Variants in DKK2 observed in about 807,000 individuals in gnomAD.
DKK2 encodes the protein dickkopf Wnt signaling pathway inhibitor 2, also known as dickkopf-related protein 2.
DKK2 carries 11 observed loss-of-function variants against 28.1 expected under a neutral mutation model. That is an observed-to-expected ratio of 0.39 (90% CI 0.25 to 0.65). The LOEUF is 0.65. DKK2 is among the 30% of genes least tolerant of loss of function. The probability of loss-of-function intolerance (pLI) is 0.47; values close to 1 mark genes in which losing one functional copy is unlikely to be tolerated. For synonymous variants in DKK2, 135 were observed against 126.5 expected, an observed-to-expected ratio of 1.07 and a Z score of -0.45; for missense variants, 326 against 335.5, an observed-to-expected ratio of 0.97 and a Z score of 0.22.
rs57031993 is a variant in DKK2 at position 106,960,586 on chromosome 4, C to T, written c.223-34637G>A. ...AAGCTATTGAAATTAAAAGTTAAAA[C>T]AAAAAAAGATATCCATTTTGTCAAC... On this transcript the variant is annotated intron_variant, in intron 1 of 3. Transcript: ENST00000285311. Among the ~76,000 whole-genome samples, 948 of 151,824 alleles carry T rather than the reference C, an allele frequency of 6.2e-3. 9 individuals carry two copies. Among genetic ancestry groups the T allele is most frequent in the African/African-American group, 0.021 (878 of 41,458 alleles).
chr4:106,929,469 C>T (rs1439110422), intron 1 of DKK2, among the ~76,000 whole-genome samples: 2 of 152,140 alleles, frequency 1.3e-5, no homozygotes, highest in Non-Finnish European at 2.9e-5. Flanking sequence ...CAGAATCATT[C>T]ATTATTGCAT....
Position 106,958,089 on chromosome 4 carries a change from T to C in DKK2, c.223-32140A>G, listed in dbSNP as rs951709804. On this transcript the variant is annotated intron_variant, in intron 1 of 3. Transcript: ENST00000285311. Reference sequence around the variant, plus strand: ...AACTTTTTTTGCAGTTTCTATGACCTACAAAAGAAATGATTGATGGAATGA... The same window carrying C: ...AACTTTTTTTGCAGTTTCTATGACCCACAAAAGAAATGATTGATGGAATGA... Among the ~76,000 whole-genome samples, 13 of 150,682 alleles carry C rather than the reference T, an allele frequency of 8.6e-5. No homozygotes were observed. In the East Asian group the frequency reaches 1.9e-3, roughly 23 times the overall value.
chr4:107,021,532 T>C (rs751970385), intron 1 of DKK2, among the ~76,000 whole-genome samples: 1 of 152,114 alleles, frequency 6.6e-6, no homozygotes, highest in Non-Finnish European at 1.5e-5. Context: ...ACATTTTCTG[T>C]TGCTCTGCCC....
chr4:106,924,805 G>A (rs954468841), intron 2 of DKK2, 105 bp from the exon 3 acceptor site: 31 of 1,115,374 alleles, frequency 2.8e-5, no homozygotes, highest in Non-Finnish European at 3.6e-5. Context: ...ATCTATCTGT[G>A]TATCTATCTA....
At chr4:106,980,980 C>T (rs1327346285) in intron 1 of DKK2, among the ~76,000 whole-genome samples, 1 of 152,144 alleles carries the variant, frequency 6.6e-6, no homozygotes, top group Non-Finnish European at 1.5e-5. Context: ...ATTATCCCTC[C>T]ACCCGAAGAA....
chr4:106,973,655 T>C (rs2110355183), intron 1 of DKK2, among the ~76,000 whole-genome samples: 1 of 152,340 alleles, frequency 6.6e-6, no homozygotes, highest in South Asian at 2.1e-4. Flanking sequence ...GACAGAGAGA[T>C]TGCAAAAATT....
chr4:106,929,584 CAA>C (rs1177299595), intron 1 of DKK2, among the ~76,000 whole-genome samples: 2 of 152,080 alleles, frequency 1.3e-5, no homozygotes, highest in African/African-American at 4.8e-5. Context: ...GCCAAAAAAA[CAA>C]AGACATTTTC....
At chr4:106,958,334 T>A (rs1272530367) in intron 1 of DKK2, among the ~76,000 whole-genome samples, 2 of 152,034 alleles carry the variant, frequency 1.3e-5, no homozygotes, top group African/African-American at 4.8e-5. Context: ...ACATTACCCA[T>A]AATTTACAAG....
intron 1 of DKK2, among the ~76,000 whole-genome samples, chr4:106,971,994 A>G (rs1722874063): frequency 2.0e-5 from 3 of 152,210 alleles, no homozygotes; most frequent in Admixed American, 2.0e-4. Flanking sequence ...CTCCAAATCC[A>G]TTGTTATGAA....
chr4:106,997,825 A>G (rs1488066747), intron 1 of DKK2, among the ~76,000 whole-genome samples: 1 of 152,188 alleles, frequency 6.6e-6, no homozygotes, highest in Non-Finnish European at 1.5e-5. Flanking sequence ...TGACCTTCTC[A>G]TTTTAAATAG....
chr4:107,009,773 T>G (rs1289265173), intron 1 of DKK2, among the ~76,000 whole-genome samples: 3 of 151,784 alleles, frequency 2.0e-5, no homozygotes, highest in Non-Finnish European at 1.5e-5. Flanking sequence ...GAAGGGACAT[T>G]CTTGAACAAG....
chr4:106,961,565 G>GCACACACA (rs34597899), intron 1 of DKK2, among the ~76,000 whole-genome samples: 81 of 136,298 alleles, frequency 5.9e-4, no homozygotes, highest in Middle Eastern at 3.9e-3. Flanking sequence ...CCAACAGCCT[G>GCACACACA]CACACACACA....
intron 1 of DKK2, among the ~76,000 whole-genome samples, chr4:106,980,237 G>T (rs934799736): frequency 5.9e-5 from 9 of 151,434 alleles, no homozygotes; most frequent in African/African-American, 2.2e-4. Flanking sequence ...AGACTATATG[G>T]TTATATATCT....
rs114845247 is a variant in DKK2 at position 106,933,492 on chromosome 4, C to G, written c.223-7543G>C. On this transcript the variant is annotated intron_variant, in intron 1 of 3. Coordinates refer to ENST00000285311, the MANE Select transcript of DKK2 (RefSeq NM_014421.3). ...AACACATAACACACACACCAGTGCA[C>G]TTTGGGAGGAACGCTGTGTGGACTC... is the stretch of plus-strand genomic sequence containing the variant. Among the ~76,000 whole-genome samples, 766 of 152,278 alleles carry G rather than the reference C, an allele frequency of 5.0e-3. 14 individuals carry two copies. Among genetic ancestry groups the G allele is most frequent in the East Asian group, 0.019 (100 of 5,174 alleles).
At chr4:106,990,840 C>A (rs983590262) in intron 1 of DKK2, among the ~76,000 whole-genome samples, 5 of 151,710 alleles carry the variant, frequency 3.3e-5, no homozygotes, top group Non-Finnish European at 7.4e-5. Flanking sequence ...TCAGAAAGGG[C>A]AAGTGGAAAG....
chr4:106,924,110 G>C lies in DKK2; in HGVS notation c.624C>G (p.Leu208=). Reference sequence around the variant, plus strand: ...GTTTGGTACAGACTTCCCCCTGATGGAGCACTGGTTTGCAGATTTTGGTCC... The same window carrying C: ...GTTTGGTACAGACTTCCCCCTGATGCAGCACTGGTTTGCAGATTTTGGTCC... ...HFWTKICKPV[L]HQGEVCTKQR... The change falls in exon 4 of 4, where the codon CTC becomes CTG. Residue 208 remains leucine (L), a synonymous_variant. Transcript: ENST00000285311. The C allele has an allele frequency of 6.2e-7, 1 of 1,613,932 alleles. No homozygotes were observed. The highest frequency in any genetic ancestry group is 8.5e-7 in the Non-Finnish European group (1 of 1,179,912).
chr4:107,031,073 T>C lies in DKK2; in HGVS notation c.222+4297A>G, dbSNP rs200021406. Among the ~76,000 whole-genome samples, 39 of 152,172 alleles carry C rather than the reference T, an allele frequency of 2.6e-4. No homozygotes were observed. In the East Asian group the frequency reaches 2.7e-3, roughly 11 times the overall value. ...TTAGATTATCATTAAAATACTTTTC[T>C]TGCTATTCAAGAACTAACTTTCCAC... is the stretch of plus-strand genomic sequence containing the variant. On this transcript the variant is annotated intron_variant, in intron 1 of 3. Coordinates refer to ENST00000285311, the MANE Select transcript of DKK2 (RefSeq NM_014421.3).
intron 1 of DKK2, among the ~76,000 whole-genome samples, chr4:106,964,382 A>T (rs988557772): frequency 1.3e-5 from 2 of 152,146 alleles, no homozygotes; most frequent in Admixed American, 1.3e-4. Flanking sequence ...AGGATAAAGA[A>T]GACATGGTTA....
At chr4:106,947,077 T>G (rs1373058214) in intron 1 of DKK2, among the ~76,000 whole-genome samples, 1 of 152,076 alleles carries the variant, frequency 6.6e-6, no homozygotes. Context: ...CTCATTCAGG[T>G]GCTGACAAAG....
Sources: allele counts gnomAD v4.1 joint callset (sites outside exome capture counted in the v4.1 genomes callset), GRCh38; gene constraint gnomAD v4.1.1; transcripts MANE v1.5; gene names NCBI Gene and HGNC (gene_info 2026-07-23, HGNC 2026-07-21).